Variants in UGT1A9 observed in about 807,000 individuals in gnomAD.
UGT1A9 encodes UDP glucuronosyltransferase family 1 member A9, also known as UDP-glucuronosyltransferase 1A9.
A neutral mutation model predicts 45.0 loss-of-function variants in UGT1A9; 35 were observed. That is an observed-to-expected ratio of 0.78 (90% CI 0.59 to 1.03). The LOEUF (loss-of-function observed/expected upper bound fraction) is 1.03, where lower values mean the gene tolerates loss of function less well. Ranked by LOEUF, UGT1A9 falls within the 50% of genes least tolerant of loss-of-function variation. UGT1A9 has a pLI of 0.00. For synonymous variants in UGT1A9, 278 were observed against 250.6 expected, an observed-to-expected ratio of 1.11 and a Z score of -1.03; for missense variants, 687 against 666.6, an observed-to-expected ratio of 1.03 and a Z score of -0.34.
intron 1 of UGT1A9, among the ~76,000 whole-genome samples, chr2:233,736,594 G>A (rs1196858563): frequency 2.0e-5 from 3 of 152,156 alleles, no homozygotes; most frequent in African/African-American, 7.2e-5. Flanking sequence ...ATGTGCTTAT[G>A]CGCTATGGTT....
chr2:233,694,363 T>C (rs2075217598), intron 1 of UGT1A9, among the ~76,000 whole-genome samples: 1 of 151,732 alleles, frequency 6.6e-6, no homozygotes, highest in Admixed American at 6.6e-5. Context: ...CTAAGAATGG[T>C]TTTTGTAGTT....
At chr2:233,724,637 T>G (rs1254622802) in intron 1 of UGT1A9, among the ~76,000 whole-genome samples, 13 of 131,504 alleles carry the variant, frequency 9.9e-5, no homozygotes, top group African/African-American at 2.7e-4. Context: ...TTCCTAGATG[T>G]GATGGCGGCT....
intron 1 of UGT1A9, chr2:233,690,539 A>C (rs1032041279): frequency 7.8e-7 from 1 of 1,289,414 alleles, no homozygotes; most frequent in Non-Finnish European, 1.0e-6. Context: ...CTTTCACCCC[A>C]CTGGAATATG....
chr2:233,697,459 C>A (rs958689433), intron 1 of UGT1A9, among the ~76,000 whole-genome samples: 3 of 147,922 alleles, frequency 2.0e-5, no homozygotes, highest in Admixed American at 6.7e-5. Context: ...TGAGTGTTTT[C>A]TCTTTTTCTT....
At chr2:233,686,748 C>A (rs2074802861) in intron 1 of UGT1A9, among the ~76,000 whole-genome samples, 1 of 152,194 alleles carries the variant, frequency 6.6e-6, no homozygotes, top group Admixed American at 6.5e-5. Flanking sequence ...CTTCCCTAGC[C>A]TCACTGGCTT....
intron 4 of UGT1A9, 143 bp downstream of exon 4, chr2:233,768,582 CTTTTTTT>C (rs139595073): frequency 1.2e-4 from 124 of 1,032,798 alleles, no homozygotes; most frequent in East Asian, 4.8e-4. Context: ...TTTATTTCTT[CTTTTTTT>C]TTTTTTTTTT....
rs2078811947 is a variant in UGT1A9 at position 233,736,813 on chromosome 2, C to T, written c.856-30221C>T. 3.9e-5 allele frequency among the ~76,000 whole-genome samples: 6 copies of T among 152,224 alleles called. No individual in the cohort carries two copies. The South Asian group carries it at 1.2e-3, about 31-fold the overall frequency. Reference sequence around the variant, plus strand: ...TCTGTTGGAGTTTGCTGGAGGTCCACTCCAGATGCTCTTTGCTTTGGTATC... The same window carrying T: ...TCTGTTGGAGTTTGCTGGAGGTCCATTCCAGATGCTCTTTGCTTTGGTATC... On this transcript the variant is annotated intron_variant, in intron 1 of 4. Transcript: ENST00000354728.
At chr2:233,701,498 T>C (rs1292229198) in intron 1 of UGT1A9, among the ~76,000 whole-genome samples, 11 of 152,126 alleles carry the variant, frequency 7.2e-5, no homozygotes, top group Middle Eastern at 3.2e-3. Context: ...GCGGACCTAA[T>C]AGACATCTAC....
intron 1 of UGT1A9, among the ~76,000 whole-genome samples, chr2:233,758,201 G>A (rs1696819770): frequency 6.6e-6 from 1 of 152,182 alleles, no homozygotes; most frequent in African/African-American, 2.4e-5. Flanking sequence ...GCTTAGTAGT[G>A]GTTCTCTGTT....
intron 1 of UGT1A9, among the ~76,000 whole-genome samples, chr2:233,685,741 T>G (rs17868325): frequency 0.18 from 27,719 of 152,252 alleles, 2,749 homozygotes; most frequent in Non-Finnish European, 0.23. Context: ...TTCTCCATTT[T>G]TTCTTCCATT....
chr2:233,740,186 C>T (rs1343042773), intron 1 of UGT1A9, among the ~76,000 whole-genome samples: 1 of 151,760 alleles, frequency 6.6e-6, no homozygotes, highest in Non-Finnish European at 1.5e-5. Flanking sequence ...TCAATTAAAC[C>T]TCTTTCTTTT....
chr2:233,760,450 C>CA lies in UGT1A9; in HGVS notation c.856-6583dup. On this transcript the variant is annotated intron_variant, in intron 1 of 4. Coordinates refer to ENST00000354728, the MANE Select transcript of UGT1A9 (RefSeq NM_021027.3). ...CATCCAGCAGCTGCAGCAGAGGGGA[C>CA]ATGAAATAGTTGTCCTAGCACCTGA... 1.2e-6 allele frequency: 2 copies of CA among 1,614,202 alleles called. No individual in the cohort carries two copies. The highest frequency in any genetic ancestry group is 1.7e-6 in the Non-Finnish European group (2 of 1,180,036).
intron 1 of UGT1A9, among the ~76,000 whole-genome samples, chr2:233,688,780 T>C (rs1215493490): frequency 6.6e-6 from 1 of 152,142 alleles, no homozygotes; most frequent in Non-Finnish European, 1.5e-5. Flanking sequence ...GCCATTCTAA[T>C]GGAGAGGAAG....
intron 1 of UGT1A9, chr2:233,754,615 C>G (rs1360410521): frequency 2.3e-6 from 1 of 438,040 alleles, no homozygotes; most frequent in Non-Finnish European, 4.6e-6. Context: ...TCTCCATCTT[C>G]CTCCACTTCC....
At chr2:233,687,100 C>T (rs750852602) in intron 1 of UGT1A9, among the ~76,000 whole-genome samples, 1 of 152,178 alleles carries the variant, frequency 6.6e-6, no homozygotes, top group East Asian at 1.9e-4. Flanking sequence ...GTGACACTTG[C>T]GTAAACTTGG....
At chr2:233,757,592 A>C (rs1473098427) in intron 1 of UGT1A9, among the ~76,000 whole-genome samples, 1 of 143,702 alleles carries the variant, frequency 7.0e-6, no homozygotes, top group Non-Finnish European at 1.5e-5. Context: ...GTCTAATAGC[A>C]AGGACAGATA....
rs753289474 is a variant in UGT1A9 at position 233,769,632 on chromosome 2, G to C, written c.1295+1193G>C. ...CACCAGCTTGAGCAAGGGACAACAG[G>C]GGAGGACTGATGACTGACTTCCCAC... On this transcript the variant is annotated intron_variant, in intron 4 of 4. Transcript: ENST00000354728. This position sits in a 1 kb window ranked among gnomAD's most constrained non-coding sequence, Gnocchi z 4.4. The C allele has an allele frequency of 1.7e-5, 27 of 1,611,424 alleles. No individual in the cohort carries two copies. Among genetic ancestry groups the C allele is most frequent in the Non-Finnish European group, 1.8e-5 (21 of 1,179,338 alleles).
Position 233,769,626 on chromosome 2 carries a change from C to A in UGT1A9, c.1295+1187C>A. 2 of 1,612,112 alleles carry A rather than the reference C, an allele frequency of 1.2e-6. No individual in the cohort carries two copies. The highest frequency in any genetic ancestry group is 1.7e-6 in the Non-Finnish European group (2 of 1,179,588). The stretch of plus-strand genomic sequence containing the variant: ...GGGACACACCAGCTTGAGCAAGGGA[C>A]AACAGGGGAGGACTGATGACTGACT... On this transcript the variant is annotated intron_variant, in intron 4 of 4. Transcript: ENST00000354728. The surrounding 1 kb of genome is among the most constrained non-coding windows in gnomAD (Gnocchi z 4.4).
chr2:233,769,725 C>T lies in UGT1A9; in HGVS notation c.1295+1286C>T, dbSNP rs1699926771. The T allele has an allele frequency of 6.7e-7, 1 of 1,483,194 alleles. No homozygotes were observed. Among genetic ancestry groups the T allele is most frequent in the Non-Finnish European group, 9.0e-7 (1 of 1,115,276 alleles). 91.9% of individuals were successfully genotyped at this position (1,483,194 alleles called of 1,614,324 possible). On this transcript the variant is annotated intron_variant, in intron 4 of 4. Transcript: ENST00000354728. This position sits in a 1 kb window ranked among gnomAD's most constrained non-coding sequence, Gnocchi z 4.4. The stretch of plus-strand genomic sequence containing the variant: ...TCAATGTTGGCTAGGCACCATGGCA[C>T]ACGCCTGTAGTCCCAGCCACTCTGG...
Sources: allele counts gnomAD v4.1 joint callset (sites outside exome capture counted in the v4.1 genomes callset), GRCh38; gene constraint gnomAD v4.1.1; non-coding constraint Gnocchi (gnomAD v3.1); transcripts MANE v1.5; gene names NCBI Gene and HGNC (gene_info 2026-07-23, HGNC 2026-07-21).